Variants in CRACD observed in about 807,000 individuals in gnomAD.
CRACD encodes the protein capping protein inhibiting regulator of actin dynamics, also known as capping protein-inhibiting regulator of actin dynamics.
In CRACD, 56 loss-of-function variants were observed where a neutral mutation model predicts 106.8. The ratio of observed to expected loss-of-function variants is 0.52; its 90% CI spans 0.42 to 0.66. The LOEUF (loss-of-function observed/expected upper bound fraction) is 0.66. Among genes scored for constraint, CRACD ranks in the 30% least tolerant of loss-of-function variants. The pLI, the probability that CRACD is intolerant of heterozygous loss-of-function variation, is 0.00. For synonymous variants in CRACD, 754 were observed against 670.8 expected (o/e 1.12, Z -1.92); for missense variants, 1,730 against 1,623.2 (o/e 1.07, Z -1.13).
intron 1 of CRACD, among the ~76,000 whole-genome samples, chr4:56,166,130 A>G (rs1274002082): frequency 6.6e-6 from 1 of 152,140 alleles, no homozygotes; most frequent in Non-Finnish European, 1.5e-5. Flanking sequence ...CTCCCAGATT[A>G]CAGGTGTGAG....
At chr4:56,281,543 C>T (rs1167802612) in intron 3 of CRACD, among the ~76,000 whole-genome samples, 1 of 118,652 alleles carries the variant, frequency 8.4e-6, no homozygotes, top group African/African-American at 3.9e-5. Context: ...GCCTTCGTCT[C>T]CCAGGATTAT....
At chr4:56,136,547 A>G (rs1488611379) in intron 1 of CRACD, among the ~76,000 whole-genome samples, 2 of 152,180 alleles carry the variant, frequency 1.3e-5, no homozygotes, top group Admixed American at 6.5e-5. Flanking sequence ...TGTGTGTTGT[A>G]TATCTTCTTT....
Position 56,315,786 on chromosome 4 carries a change from C to T in CRACD, c.2284C>T (p.Pro762Ser). Residue 762 changes from proline (P) to serine (S), a missense_variant, in exon 8 of 11, where the codon CCT (proline) becomes TCT (serine). Pro to Ser is a moderately conservative substitution (Grantham distance 74). Transcript: ENST00000682029. The surrounding 1 kb of genome is among the most constrained non-coding windows in gnomAD (Gnocchi z 4.1). ...CAGCGAAGAGACAGCCCCCCAGCCT[C>T]CTCCTGCTGGTGTTCGCGAGCTCGG... Reference protein sequence around the residue: ...GPSEETAPQPPPAGVRELGKG... With the variant: ...GPSEETAPQPSPAGVRELGKG... 6.2e-7 allele frequency: 1 copy of T among 1,614,232 alleles called. No individual in the cohort carries two copies.
chr4:56,289,199 GT>G, intron 3 of CRACD, among the ~76,000 whole-genome samples: 1 of 152,206 alleles, frequency 6.6e-6, no homozygotes, highest in South Asian at 2.1e-4. Context: ...AGTGCTGATG[GT>G]TTCATTGTAA....
chr4:56,061,623 T>C (rs1035678111), intron 1 of CRACD, among the ~76,000 whole-genome samples: 4 of 152,082 alleles, frequency 2.6e-5, no homozygotes, highest in African/African-American at 9.7e-5. Flanking sequence ...GAGATGACAT[T>C]CTGGTGGGAG....
intron 1 of CRACD, among the ~76,000 whole-genome samples, chr4:56,117,084 G>A (rs1231616240): frequency 6.8e-6 from 1 of 146,126 alleles, no homozygotes; most frequent in East Asian, 2.0e-4. Context: ...GCAGTGGCAC[G>A]ATCTCTGCTC....
At chr4:56,209,201 C>T (rs756774003) in intron 2 of CRACD, among the ~76,000 whole-genome samples, 4 of 152,086 alleles carry the variant, frequency 2.6e-5, no homozygotes, top group Admixed American at 6.5e-5. Flanking sequence ...TTTATAATCT[C>T]GTACAATTAA....
rs558090523 is a variant in CRACD, at chr4:56,213,811, T to C, written c.-189+34381T>C. Among the ~76,000 whole-genome samples the C allele has an allele frequency of 2.6e-4, 39 of 152,346 alleles. No individual in the cohort carries two copies. The East Asian group carries it at 7.1e-3, about 28-fold the overall frequency. On this transcript the variant is annotated intron_variant, in intron 2 of 10. Coordinates refer to ENST00000682029, the MANE Select transcript of CRACD (RefSeq NM_001393381.1). ...GTTATGCTCTGTTTACACATATAGTTAGGTTACAGTTTACTATGGAGAAAC... is the reference window on the plus strand; with the variant it reads ...GTTATGCTCTGTTTACACATATAGTCAGGTTACAGTTTACTATGGAGAAAC...
intron 1 of CRACD, among the ~76,000 whole-genome samples, chr4:56,106,701 A>G (rs1461214697): frequency 6.6e-6 from 1 of 152,198 alleles, no homozygotes; most frequent in Non-Finnish European, 1.5e-5. Flanking sequence ...GTTCCTCTGT[A>G]ATAGTTTGGT....
intron 1 of CRACD, 50 bp from the exon 2 acceptor site, chr4:56,179,234 G>T (rs143472996): frequency 6.6e-6 from 1 of 151,868 alleles, no homozygotes; most frequent in East Asian, 2.0e-4. Context: ...GGCTCCCCAA[G>T]AGAGGATTGA....
chr4:56,220,095 G>A (rs1217259860), intron 2 of CRACD, among the ~76,000 whole-genome samples: 1 of 152,128 alleles, frequency 6.6e-6, no homozygotes, highest in Non-Finnish European at 1.5e-5. Context: ...ACGTAGGCAG[G>A]GCAGTGGTCT....
chr4:56,114,288 T>C (rs919617488), intron 1 of CRACD, among the ~76,000 whole-genome samples: 1 of 151,596 alleles, frequency 6.6e-6, no homozygotes, highest in Non-Finnish European at 1.5e-5. Context: ...CAAGGAGGAA[T>C]GGCATCACCT....
At chr4:56,075,930 A>G (rs1732825539) in intron 1 of CRACD, among the ~76,000 whole-genome samples, 1 of 152,122 alleles carries the variant, frequency 6.6e-6, no homozygotes. Context: ...ACTTACTGTA[A>G]CCCCAAAGAG....
rs567617277 is a variant in CRACD at position 56,052,131 on chromosome 4, C to T, written c.-336+2832C>T. ...TTGCCCAGGCTGGTCTCAAGCAATCCTCCTGCCTTGGCCTCCCAAAATACT... is the reference window on the plus strand; with the variant it reads ...TTGCCCAGGCTGGTCTCAAGCAATCTTCCTGCCTTGGCCTCCCAAAATACT... On this transcript the variant is annotated intron_variant, in intron 1 of 10. Coordinates refer to ENST00000682029, the MANE Select transcript of CRACD (RefSeq NM_001393381.1). Among the ~76,000 whole-genome samples, 30 of 152,232 alleles carry T rather than the reference C, an allele frequency of 2.0e-4. No individual in the cohort carries two copies. The South Asian group carries it at 2.7e-3, about 14-fold the overall frequency.
intron 1 of CRACD, among the ~76,000 whole-genome samples, chr4:56,059,949 G>T (rs1371809631): frequency 6.6e-6 from 1 of 152,216 alleles, no homozygotes; most frequent in Admixed American, 6.5e-5. Context: ...CTCCCAAAGT[G>T]CTGGGATTAC....
intron 1 of CRACD, among the ~76,000 whole-genome samples, chr4:56,101,498 C>T (rs1733774175): frequency 6.6e-6 from 1 of 152,136 alleles, no homozygotes; most frequent in Non-Finnish European, 1.5e-5. Context: ...TGCAGTGGCT[C>T]ACGCCTATAA....
At chr4:56,292,684 C>A (rs1325743304) in intron 3 of CRACD, among the ~76,000 whole-genome samples, 1 of 152,218 alleles carries the variant, frequency 6.6e-6, no homozygotes, top group Non-Finnish European at 1.5e-5. Context: ...GCCACCACGC[C>A]CAGCTAATTT....
intron 3 of CRACD, among the ~76,000 whole-genome samples, chr4:56,289,115 G>T (rs184943044): frequency 6.6e-6 from 1 of 152,152 alleles, no homozygotes; most frequent in East Asian, 1.9e-4. Flanking sequence ...CAGGGACTGC[G>T]GAGAGGGGAG....
At chr4:56,110,012 A>T (rs914455263) in intron 1 of CRACD, among the ~76,000 whole-genome samples, 2 of 152,180 alleles carry the variant, frequency 1.3e-5, no homozygotes, top group African/African-American at 2.4e-5. Context: ...ATAGATGCAG[A>T]AGGATCTACC....
Sources: allele counts gnomAD v4.1 joint callset (sites outside exome capture counted in the v4.1 genomes callset), GRCh38; gene constraint gnomAD v4.1.1; non-coding constraint Gnocchi (gnomAD v3.1); transcripts MANE v1.5; gene names NCBI Gene and HGNC (gene_info 2026-07-23, HGNC 2026-07-21).